ADAMTSL1: variants seen among roughly 807,000 people sequenced by gnomAD.
ADAMTSL1 encodes the protein ADAMTS-like protein 1.
In ADAMTSL1, 126 loss-of-function variants were observed where a neutral mutation model predicts 201.8. The ratio of observed to expected loss-of-function variants is 0.62; its 90% CI spans 0.54 to 0.72. The LOEUF (loss-of-function observed/expected upper bound fraction) is 0.72, where lower values mean the gene tolerates loss of function less well. Among genes scored for constraint, ADAMTSL1 ranks in the 30% least tolerant of loss-of-function variants. The pLI, the probability that ADAMTSL1 is intolerant of heterozygous loss-of-function variation, is 0.00. For missense variants in ADAMTSL1, 2,679 were observed against 2,277.8 expected (o/e 1.18, Z -3.59); for synonymous variants, 1,121 against 903.4 (o/e 1.24, Z -4.32).
At chr9:18,214,685 G>C (rs1476273002) in intron 2 of ADAMTSL1, among the ~76,000 whole-genome samples, 1 of 152,072 alleles carries the variant, frequency 6.6e-6, no homozygotes, top group Non-Finnish European at 1.5e-5. Flanking sequence ...TATTAATAAT[G>C]TTTACAAAAG....
chr9:18,682,687 A>C (rs1830575379), intron 12 of ADAMTSL1, among the ~76,000 whole-genome samples: 1 of 152,172 alleles, frequency 6.6e-6, no homozygotes, highest in Non-Finnish European at 1.5e-5. Flanking sequence ...AACCCCCTTT[A>C]ATTTTTAATA....
rs10963574 is a variant in ADAMTSL1, at chr9:18,319,450, A to G, written c.207+155469A>G. On this transcript the variant is annotated intron_variant, in intron 2 of 29. Transcript: ENST00000680146. ...AACTTCACTGCTATGAACTATAGTA[A>G]TAATATTTCTCCAGCTTCAAAAACC... Among the ~76,000 whole-genome samples the G allele has an allele frequency of 7.4e-3, 1,129 of 152,308 alleles. 37 individuals carry two copies. Among genetic ancestry groups the G allele is most frequent in the Admixed American group, 0.052 (801 of 15,294 alleles).
In ADAMTSL1 at chr9:18,443,462, G is replaced by T. The variant is rs531444376; in HGVS notation, c.208-61367G>T. On this transcript the variant is annotated intron_variant, in intron 2 of 29. Coordinates refer to the ADAMTSL1 transcript ENST00000680146. Reference sequence around the variant, plus strand: ...CAGTAAGCCAGCAGTAGATTAAAAGGCAAAGTTAGTGAGGTATTCTTCTCA... The same window carrying T: ...CAGTAAGCCAGCAGTAGATTAAAAGTCAAAGTTAGTGAGGTATTCTTCTCA... 3.4e-3 allele frequency among the ~76,000 whole-genome samples: 521 copies of T among 152,302 alleles called. 5 individuals are homozygous for T. The highest frequency in any genetic ancestry group is 0.024 in the Middle Eastern group (7 of 294).
chr9:17,930,175 G>C (rs2131316095), intron 1 of ADAMTSL1, among the ~76,000 whole-genome samples: 1 of 152,200 alleles, frequency 6.6e-6, no homozygotes, highest in East Asian at 1.9e-4. Context: ...CAATTGGCAG[G>C]GCTGAAGTGG....
At chr9:18,429,969 T>C (rs1002816895) in intron 2 of ADAMTSL1, among the ~76,000 whole-genome samples, 7 of 152,026 alleles carry the variant, frequency 4.6e-5, no homozygotes, top group African/African-American at 1.7e-4. Flanking sequence ...TTTATATTTT[T>C]AGTAGAGACA....
intron 7 of ADAMTSL1, among the ~76,000 whole-genome samples, chr9:18,653,053 A>G (rs963266687): frequency 2.6e-5 from 4 of 152,244 alleles, no homozygotes; most frequent in Admixed American, 2.6e-4. Context: ...CTCTGCCAAT[A>G]TGCCCCTTTT....
At position 18,161,485 on chromosome 9, in the gene ADAMTSL1, G is replaced by A. The variant is rs150471337; in HGVS notation, c.88-2377G>A. The stretch of plus-strand genomic sequence containing the variant: ...TTGAAGAAATGTTTCATAAAATATG[G>A]GATTCAACAGGGATCAACATACATT... On this transcript the variant is annotated intron_variant, in intron 1 of 29. Coordinates refer to the ADAMTSL1 transcript ENST00000680146. Among the ~76,000 whole-genome samples, 815 of 152,070 alleles carry A rather than the reference G, an allele frequency of 5.4e-3. 6 individuals carry two copies. Among genetic ancestry groups the A allele is most frequent in the African/African-American group, 0.019 (778 of 41,508 alleles).
At chr9:17,988,720 T>A (rs867822947) in intron 1 of ADAMTSL1, among the ~76,000 whole-genome samples, 1 of 152,188 alleles carries the variant, frequency 6.6e-6, no homozygotes, top group South Asian at 2.1e-4. Flanking sequence ...AATGTGTTAC[T>A]GCTTTCAATT....
intron 2 of ADAMTSL1, among the ~76,000 whole-genome samples, chr9:18,234,877 C>T (rs1443093427): frequency 6.6e-6 from 1 of 152,028 alleles, no homozygotes; most frequent in African/African-American, 2.4e-5. Context: ...TTCATGGAGC[C>T]AATTTTAAAA....
intron 1 of ADAMTSL1, among the ~76,000 whole-genome samples, chr9:18,476,830 CACTGACAG>C (rs1437593739): frequency 1.3e-5 from 2 of 152,140 alleles, no homozygotes; most frequent in African/African-American, 4.8e-5. Flanking sequence ...TCCCTCATTT[CACTGACAG>C]CTGAATCATC....
chr9:18,846,444 G>C (rs1466520232), intron 23 of ADAMTSL1, among the ~76,000 whole-genome samples: 1 of 152,150 alleles, frequency 6.6e-6, no homozygotes, highest in Non-Finnish European at 1.5e-5. Flanking sequence ...AATGAAAATA[G>C]AAAACCTTTC....
chr9:18,308,026 A>G (rs918106867), intron 2 of ADAMTSL1, among the ~76,000 whole-genome samples: 6 of 152,204 alleles, frequency 3.9e-5, no homozygotes, highest in Admixed American at 3.9e-4. Context: ...ACTAGAACTC[A>G]GGATTCAGAA....
intron 7 of ADAMTSL1, among the ~76,000 whole-genome samples, chr9:18,647,571 A>C (rs1587790675): frequency 1.3e-5 from 2 of 151,960 alleles, no homozygotes; most frequent in East Asian, 3.9e-4. Flanking sequence ...TGTCCCAGAG[A>C]GTCTGGTATG....
chr9:18,686,165 C>T (rs932840058), intron 13 of ADAMTSL1, among the ~76,000 whole-genome samples: 1 of 152,198 alleles, frequency 6.6e-6, no homozygotes, highest in Non-Finnish European at 1.5e-5. Context: ...AAGCAATCCG[C>T]CTGCCTCAGC....
At position 18,889,421 on chromosome 9, in the gene ADAMTSL1, G is replaced by A. The variant is rs545486564; in HGVS notation, c.4463-147G>A. 26 of 837,432 alleles carry A rather than the reference G, an allele frequency of 3.1e-5. No individual in the cohort carries two copies. In the South Asian group the frequency reaches 3.2e-4, roughly 10 times the overall value. 51.9% of individuals were successfully genotyped at this position (837,432 alleles called of 1,614,324 possible). A position where few individuals can be genotyped will look rare whatever the true frequency, so the allele number is the denominator to read the frequency against. Reference sequence around the variant, plus strand: ...AAATAGTTCGGGAATGGTTCCCTGCGAGGAGCAGGGCCTCATTTATAATAG... The same window carrying A: ...AAATAGTTCGGGAATGGTTCCCTGCAAGGAGCAGGGCCTCATTTATAATAG... On this transcript the variant is annotated intron_variant, in intron 24 of 28. Transcript: ENST00000380548.
At position 18,657,682 on chromosome 9, in the gene ADAMTSL1, T is replaced by G; in HGVS notation, c.878T>G (p.Phe293Cys). The G allele has an allele frequency of 1.2e-6, 2 of 1,614,232 alleles. No homozygotes were observed. The highest frequency in any genetic ancestry group is 1.7e-6 in the Non-Finnish European group (2 of 1,180,028). Reference protein sequence around the residue: ...GSADSTVQFIFYQPIIHRWRE... With the variant: ...GSADSTVQFICYQPIIHRWRE... ...GCTGACAGTACAGTCCAGTTCATCT[T>G]CTATCAACCCATCATCCACCGATGG... Residue 293 changes from phenylalanine to cysteine, a missense_variant, in exon 8 of 29, where the codon TTC becomes TGC. By Grantham distance (205) the Phe-to-Cys change is radical. Transcript: ENST00000380548.
At chr9:18,723,002 C>T (rs762200831) in intron 15 of ADAMTSL1, 22 of 778,504 alleles carry the variant, frequency 2.8e-5, no homozygotes, top group Non-Finnish European at 4.8e-5. Context: ...TGACTACAGT[C>T]CTGTCATCTA....
intron 28 of ADAMTSL1, 101 bp downstream of exon 28, chr9:18,907,013 G>C (rs1337964443): frequency 7.4e-7 from 1 of 1,353,238 alleles, no homozygotes; most frequent in Non-Finnish European, 1.0e-6. Context: ...CATGGGGTCA[G>C]CTTCCCCAGG....
At chr9:17,920,227 A>C (rs1826252858) in intron 1 of ADAMTSL1, among the ~76,000 whole-genome samples, 1 of 152,186 alleles carries the variant, frequency 6.6e-6, no homozygotes, top group Non-Finnish European at 1.5e-5. Flanking sequence ...TTCCAAATGC[A>C]AAGGCATAAT....
Sources: allele counts gnomAD v4.1 joint callset (sites outside exome capture counted in the v4.1 genomes callset), GRCh38; gene constraint gnomAD v4.1.1; transcripts MANE v1.5; gene names NCBI Gene and HGNC (gene_info 2026-07-23, HGNC 2026-07-21).